The following FMNL2 variants were observed in gnomAD, a reference collection of about 807,000 sequenced individuals.
FMNL2 encodes formin like 2.
FMNL2 carries 51 observed loss-of-function variants against 130.2 expected under a neutral mutation model. That is an observed-to-expected ratio of 0.39 (90% CI 0.31 to 0.49). FMNL2 has a LOEUF of 0.49. Among genes scored for constraint, FMNL2 ranks in the 20% least tolerant of loss-of-function variants. The pLI is 0.85. For missense variants in FMNL2, 977 were observed against 1,316.2 expected (o/e 0.74, Z 3.99); for synonymous variants, 465 against 467.1 (o/e 1.00, Z 0.06).
intron 15 of FMNL2, among the ~76,000 whole-genome samples, chr2:152,622,173 C>T (rs567147361): frequency 5.9e-5 from 9 of 152,274 alleles, no homozygotes; most frequent in African/African-American, 1.9e-4. Context: ...GAACCTTTGC[C>T]GTCTGTCTGG....
chr2:152,547,904 A>G (rs2105523326), intron 3 of FMNL2, among the ~76,000 whole-genome samples: 1 of 152,324 alleles, frequency 6.6e-6, no homozygotes, highest in South Asian at 2.1e-4. Context: ...CTTCCTTCAA[A>G]GTGGCCTGAG....
chr2:152,617,334 T>G, intron 13 of FMNL2, 142 bp downstream of exon 13: 1 of 737,302 alleles, frequency 1.4e-6, no homozygotes, highest in African/African-American at 1.8e-5. Flanking sequence ...GAGGTGATGC[T>G]CAGTTGAAAA....
chr2:152,566,716 G>A (rs571010871), intron 6 of FMNL2, among the ~76,000 whole-genome samples: 2 of 152,310 alleles, frequency 1.3e-5, no homozygotes, highest in South Asian at 2.1e-4. Context: ...ATATGTTTGT[G>A]TGTACACATG....
chr2:152,358,959 A>T (rs1050114083), intron 1 of FMNL2, among the ~76,000 whole-genome samples: 1 of 150,862 alleles, frequency 6.6e-6, no homozygotes, highest in Non-Finnish European at 1.5e-5. Context: ...TCCTTGATGA[A>T]GTTGGTGTTA....
chr2:152,636,437 G>GA lies in FMNL2; in HGVS notation c.2693dup (p.Asn898LysfsTer24). 6.2e-7 allele frequency: 1 copy of GA among 1,611,634 alleles called. No homozygotes were observed. Among genetic ancestry groups the GA allele is most frequent in the Non-Finnish European group, 8.5e-7 (1 of 1,178,802 alleles). On this transcript the variant is annotated frameshift_variant, in exon 22 of 26. Coordinates refer to ENST00000288670, the MANE Select transcript of FMNL2 (RefSeq NM_052905.4). LOFTEE classifies it high-confidence loss of function. Reference sequence around the variant, plus strand: ...CTTTCTCTGCTTTAGTCTCCCTTGAGAATGTTTTGCTGGATGTCAAGGAGC... The same window carrying GA: ...CTTTCTCTGCTTTAGTCTCCCTTGAGAAATGTTTTGCTGGATGTCAAGGAGC...
rs570735660 is a variant in FMNL2, at chr2:152,620,740, C to T, written c.1837+1022C>T. On this transcript the variant is annotated intron_variant, in intron 15 of 25. Transcript: ENST00000288670. ...GGATCCCATCTGCAGCTCTGCCAGC[C>T]GGTCACTGGGGCTCATTCATCCCAA... Among the ~76,000 whole-genome samples, 78 of 152,294 alleles carry T rather than the reference C, an allele frequency of 5.1e-4. 1 individual carries two copies. The highest frequency in any genetic ancestry group is 3.4e-3 in the Middle Eastern group (1 of 294).
At chr2:152,345,004 A>C (rs906371521) in intron 1 of FMNL2, among the ~76,000 whole-genome samples, 2 of 152,236 alleles carry the variant, frequency 1.3e-5, no homozygotes, top group Non-Finnish European at 2.9e-5. Context: ...TTATAATGTA[A>C]GCAAATAGAC....
intron 1 of FMNL2, among the ~76,000 whole-genome samples, chr2:152,466,817 C>A (rs749819910): frequency 2.6e-5 from 4 of 152,184 alleles, no homozygotes; most frequent in Non-Finnish European, 5.9e-5. Flanking sequence ...AGAAACATGG[C>A]AGCCTCTGCA....
chr2:152,464,322 G>C (rs1257139349), intron 1 of FMNL2, among the ~76,000 whole-genome samples: 2 of 152,150 alleles, frequency 1.3e-5, no homozygotes, highest in African/African-American at 4.8e-5. Context: ...GGGTTTGTTT[G>C]TTATTCTTAA....
chr2:152,532,854 C>T (rs1235185840), intron 2 of FMNL2, among the ~76,000 whole-genome samples: 1 of 152,052 alleles, frequency 6.6e-6, no homozygotes, highest in Non-Finnish European at 1.5e-5. Flanking sequence ...GTGATCCACC[C>T]GCCTTGGCCT....
At chr2:152,626,399 A>C in intron 16 of FMNL2, 126 bp from the exon 17 acceptor site, 1 of 722,172 alleles carries the variant, frequency 1.4e-6, no homozygotes, top group Non-Finnish European at 2.3e-6. Context: ...AAATAGAGGA[A>C]GCCATGGCCA....
intron 1 of FMNL2, among the ~76,000 whole-genome samples, chr2:152,375,200 A>G (rs1330937753): frequency 6.6e-6 from 1 of 152,228 alleles, no homozygotes. Context: ...TGAAACTGTA[A>G]GAGTTTGCAG....
chr2:152,647,263 T>C (rs1478844758), intron 25 of FMNL2, among the ~76,000 whole-genome samples: 3 of 152,220 alleles, frequency 2.0e-5, no homozygotes, highest in African/African-American at 7.2e-5. Context: ...TTGAACATCA[T>C]TTTGTTTAAA....
chr2:152,381,494 G>T (rs760441708), intron 1 of FMNL2, among the ~76,000 whole-genome samples: 3 of 152,204 alleles, frequency 2.0e-5, no homozygotes, highest in African/African-American at 4.8e-5. Flanking sequence ...GATCATATTT[G>T]AAGTTCTTCT....
intron 21 of FMNL2, 57 bp from the exon 22 acceptor site, chr2:152,636,370 C>T: frequency 5.2e-6 from 8 of 1,540,604 alleles, no homozygotes; most frequent in Middle Eastern, 1.7e-4. Context: ...CAGCCAGATT[C>T]GCTGTGGTTG....
intron 1 of FMNL2, among the ~76,000 whole-genome samples, chr2:152,367,104 C>A (rs1683603855): frequency 1.5e-5 from 2 of 133,904 alleles, no homozygotes; most frequent in African/African-American, 5.3e-5. Flanking sequence ...CAGATGGGGT[C>A]TTGCTCTGTC....
chr2:152,444,273 G>C (rs1354900080), intron 1 of FMNL2, among the ~76,000 whole-genome samples: 2 of 152,130 alleles, frequency 1.3e-5, no homozygotes, highest in African/African-American at 2.4e-5. Context: ...ATTTGGAAGG[G>C]AGAGAAAAGC....
chr2:152,637,546 A>T, intron 22 of FMNL2, 27 bp from the exon 23 acceptor site: 1 of 1,595,818 alleles, frequency 6.3e-7, no homozygotes, highest in Non-Finnish European at 8.6e-7. Context: ...AACTAATGAA[A>T]CTCAAGAAAA....
In FMNL2 at chr2:152,643,967, C is replaced by T. The variant is rs150218410; in HGVS notation, c.3169+3053C>T. On this transcript the variant is annotated intron_variant, in intron 25 of 25. Coordinates refer to ENST00000288670, the MANE Select transcript of FMNL2 (RefSeq NM_052905.4). Reference sequence around the variant, plus strand: ...TGTTCAGGTTGGATGCAGTGGCACACGCCTGTAATTCCAGTACTTTGAGAG... The same window carrying T: ...TGTTCAGGTTGGATGCAGTGGCACATGCCTGTAATTCCAGTACTTTGAGAG... 1.2e-4 allele frequency: 101 copies of T among 856,208 alleles called. No homozygotes were observed. In the East Asian group the frequency reaches 0.01, roughly 87 times the overall value. 53.0% of individuals were successfully genotyped at this position (856,208 alleles called of 1,614,324 possible).
Sources: allele counts gnomAD v4.1 joint callset (sites outside exome capture counted in the v4.1 genomes callset), GRCh38; gene constraint gnomAD v4.1.1; transcripts MANE v1.5; gene names NCBI Gene and HGNC (gene_info 2026-07-23, HGNC 2026-07-21).